The following MAP4K4 variants were observed in gnomAD, a reference collection of about 807,000 sequenced individuals.
MAP4K4 encodes the protein HPK/GCK-like kinase HGK.
Under a neutral mutation model 189.6 loss-of-function variants are expected in MAP4K4, and 38 were observed. That is an observed-to-expected ratio of 0.20 (90% CI 0.15 to 0.26). The LOEUF (loss-of-function observed/expected upper bound fraction) is 0.26. Ranked by LOEUF, MAP4K4 falls within the 10% of genes least tolerant of loss-of-function variation. The pLI, the probability that MAP4K4 is intolerant of heterozygous loss-of-function variation, is 1.00. For missense variants in MAP4K4, 1,054 were observed against 1,726.9 expected (o/e 0.61, Z 6.91); for synonymous variants, 610 against 624.3 (o/e 0.98, Z 0.34).
chr2:101,831,344 A>G (rs2096590568), intron 6 of MAP4K4, among the ~76,000 whole-genome samples: 1 of 152,188 alleles, frequency 6.6e-6, no homozygotes, highest in Non-Finnish European at 1.5e-5. Context: ...AGGTAAGTCA[A>G]GTGCATCTCA....
intron 9 of MAP4K4, among the ~76,000 whole-genome samples, chr2:101,836,937 G>A (rs1398445610): frequency 6.6e-6 from 1 of 152,062 alleles, no homozygotes; most frequent in Non-Finnish European, 1.5e-5. Context: ...AGTGTTTCTG[G>A]TTCTCCTGAG....
intron 2 of MAP4K4, among the ~76,000 whole-genome samples, chr2:101,784,264 G>A (rs199542952): frequency 3.3e-3 from 200 of 60,640 alleles, no homozygotes; most frequent in East Asian, 0.022. Flanking sequence ...GATGCTCTTC[G>A]TGTGTGTGTG....
At chr2:101,736,985 C>G (rs2149686915) in intron 2 of MAP4K4, among the ~76,000 whole-genome samples, 1 of 152,302 alleles carries the variant, frequency 6.6e-6, no homozygotes, top group East Asian at 1.9e-4. Flanking sequence ...TACATACTTG[C>G]TCTGTTATGA....
At chr2:101,841,591 G>A (rs2096918910) in intron 10 of MAP4K4, among the ~76,000 whole-genome samples, 1 of 151,870 alleles carries the variant, frequency 6.6e-6, no homozygotes, top group Admixed American at 6.6e-5. Flanking sequence ...GCCTCAGCCT[G>A]TTGAGTAGCT....
At chr2:101,860,344 G>A (rs543334078) in intron 15 of MAP4K4, 1 of 205,194 alleles carries the variant, frequency 4.9e-6, no homozygotes, top group Admixed American at 5.2e-5. Flanking sequence ...TGGGCGACAG[G>A]TGTGCCTCCA....
At chr2:101,786,670 G>A (rs2091358163) in intron 2 of MAP4K4, among the ~76,000 whole-genome samples, 1 of 152,172 alleles carries the variant, frequency 6.6e-6, no homozygotes, top group Non-Finnish European at 1.5e-5. Flanking sequence ...AACAGTAGGA[G>A]TCCCTCTCTT....
chr2:101,867,131 C>A, intron 19 of MAP4K4, 81 bp from the exon 20 acceptor site: 1 of 654,862 alleles, frequency 1.5e-6, no homozygotes. Context: ...CAGGAGTGGG[C>A]GGGGTGGGCA....
chr2:101,725,373 G>C (rs1574303401), intron 2 of MAP4K4, among the ~76,000 whole-genome samples: 1 of 116,926 alleles, frequency 8.6e-6, no homozygotes, highest in Admixed American at 9.2e-5. Context: ...AACTTTTCCA[G>C]ACTAAAAGAT....
rs2097582657 is a variant in MAP4K4 at position 101,859,869 on chromosome 2, C to T, written c.1704+5C>T. On this transcript the variant is annotated splice_donor_5th_base_variant and intron_variant, in intron 15 of 32. Transcript: ENST00000324219. ...CCTGCTGACCGAGCGCGAGAGGTATCCTCTTTCCTTTGTCACTTAGACATT... is the reference window on the plus strand; with the variant it reads ...CCTGCTGACCGAGCGCGAGAGGTATTCTCTTTCCTTTGTCACTTAGACATT... 1 of 1,591,224 alleles carries T rather than the reference C, an allele frequency of 6.3e-7. No individual in the cohort carries two copies. Among genetic ancestry groups the T allele is most frequent in the African/African-American group, 1.3e-5 (1 of 74,456 alleles).
chr2:101,736,225 AG>A (rs2060220679), intron 2 of MAP4K4, among the ~76,000 whole-genome samples: 1 of 152,200 alleles, frequency 6.6e-6, no homozygotes, highest in African/African-American at 2.4e-5. Flanking sequence ...TCTGTCCAAC[AG>A]TTCCCTTCCT....
exon 31 of MAP4K4, chr2:101,887,897 G>C: frequency 4.3e-6 from 7 of 1,611,642 alleles, no homozygotes; most frequent in Non-Finnish European, 5.1e-6. Context: ...GGATCACCAA[G>C]GATGTAGTTC....
intron 3 of MAP4K4, among the ~76,000 whole-genome samples, chr2:101,815,191 A>AT (rs939566263): frequency 4.4e-4 from 66 of 151,412 alleles, no homozygotes; most frequent in African/African-American, 1.4e-3. Context: ...GCGTGACTTA[A>AT]TTTTTTTTTT....
At chr2:101,750,949 C>T (rs1227725677) in intron 2 of MAP4K4, among the ~76,000 whole-genome samples, 3 of 152,066 alleles carry the variant, frequency 2.0e-5, no homozygotes, top group Non-Finnish European at 4.4e-5. Context: ...AGTCCTCTAC[C>T]TTTTTATCTT....
chr2:101,733,686 C>A (rs1168375456), intron 2 of MAP4K4, among the ~76,000 whole-genome samples: 1 of 152,200 alleles, frequency 6.6e-6, no homozygotes, highest in Non-Finnish European at 1.5e-5. Flanking sequence ...CCAGACAAAC[C>A]CATCAAGCCT....
chr2:101,862,260 A>C lies in MAP4K4; in HGVS notation c.1866+1274A>C, dbSNP rs1272741082. 5.3e-5 allele frequency: 8 copies of C among 152,286 alleles called. No individual in the cohort carries two copies. In the Admixed American group the frequency reaches 5.3e-4, roughly 10 times the overall value. 9.4% of individuals were successfully genotyped at this position (152,286 alleles called of 1,614,324 possible). On this transcript the variant is annotated intron_variant, in intron 16 of 32. Transcript: ENST00000324219. ...CATCTTAAAAAAAAAAAAAAAAAAA[A>C]AAAAAAAAGGAACAGCTAGGACTGA...
intron 2 of MAP4K4, among the ~76,000 whole-genome samples, chr2:101,772,158 A>G (rs1273456286): frequency 6.6e-6 from 1 of 152,256 alleles, no homozygotes; most frequent in East Asian, 1.9e-4. Flanking sequence ...CAACTTGGGC[A>G]TGGCCCCTGA....
intron 5 of MAP4K4, among the ~76,000 whole-genome samples, chr2:101,826,326 C>T (rs1384736094): frequency 6.6e-6 from 1 of 150,920 alleles, no homozygotes; most frequent in African/African-American, 2.4e-5. Flanking sequence ...TTAAAAACTG[C>T]CATCTAGACT....
chr2:101,757,663 A>G (rs553825576), intron 2 of MAP4K4, among the ~76,000 whole-genome samples: 20 of 152,350 alleles, frequency 1.3e-4, no homozygotes, highest in African/African-American at 4.8e-4. Flanking sequence ...CTATACATAC[A>G]TAGCTAAAAT....
At chr2:101,783,607 GAA>G (rs1239253679) in intron 2 of MAP4K4, among the ~76,000 whole-genome samples, 1 of 152,186 alleles carries the variant, frequency 6.6e-6, no homozygotes, top group Non-Finnish European at 1.5e-5. Flanking sequence ...TTTTGTTACT[GAA>G]ATTGACATGC....
Sources: allele counts gnomAD v4.1 joint callset (sites outside exome capture counted in the v4.1 genomes callset), GRCh38; gene constraint gnomAD v4.1.1; transcripts MANE v1.5; gene names NCBI Gene and HGNC (gene_info 2026-07-23, HGNC 2026-07-21).